CAMTA1: variants seen among roughly 807,000 people sequenced by gnomAD.
CAMTA1 encodes the protein calmodulin binding transcription activator 1, also known as calmodulin-binding transcription activator 1.
In CAMTA1, 27 loss-of-function variants were observed where a neutral mutation model predicts 170.9. That is an observed-to-expected ratio of 0.16 (90% CI 0.12 to 0.22). The LOEUF is 0.22. Among genes scored for constraint, CAMTA1 ranks in the 10% least tolerant of loss-of-function variants. CAMTA1 has a pLI of 1.00. For synonymous variants in CAMTA1, 833 were observed against 891.5 expected (o/e 0.93, Z 1.17); for missense variants, 1,619 against 2,217.2 (o/e 0.73, Z 5.42).
At chr1:7,655,725 AC>A (rs1489610208) in intron 7 of CAMTA1, among the ~76,000 whole-genome samples, 3 of 152,006 alleles carry the variant, frequency 2.0e-5, no homozygotes, top group South Asian at 4.1e-4. Context: ...ATACACATAC[AC>A]CGATACACCC....
At chr1:6,893,805 C>T (rs1242841071) in intron 3 of CAMTA1, among the ~76,000 whole-genome samples, 7 of 152,148 alleles carry the variant, frequency 4.6e-5, no homozygotes, top group African/African-American at 1.7e-4. Context: ...TAATTTGTAT[C>T]TTACTGACCC....
At chr1:7,510,856 G>A (rs914014651) in intron 6 of CAMTA1, among the ~76,000 whole-genome samples, 2 of 144,602 alleles carry the variant, frequency 1.4e-5, no homozygotes, top group Admixed American at 6.9e-5. Context: ...TTGTTTGAGA[G>A]CATTGCTTGG....
chr1:7,718,188 G>GCAGTGGGCGTTCCGTAAACA (rs1407287663), intron 11 of CAMTA1, among the ~76,000 whole-genome samples: 3,027 of 148,796 alleles, frequency 0.02, 169 homozygotes, highest in African/African-American at 0.075. Flanking sequence ...GTCTTAGCCA[G>GCAGTGGGCGTTCCGTAAACA]CAGTGGGCGT....
intron 21 of CAMTA1, among the ~76,000 whole-genome samples, chr1:7,754,574 G>C (rs1033364059): frequency 6.6e-6 from 1 of 152,128 alleles, no homozygotes; most frequent in Non-Finnish European, 1.5e-5. Context: ...TTTGTTTTTA[G>C]AGTTCTCTTT....
intron 5 of CAMTA1, 60 bp from the exon 6 acceptor site, chr1:7,467,770 C>A (rs1338677381): frequency 8.9e-7 from 1 of 1,119,344 alleles, no homozygotes; most frequent in Non-Finnish European, 1.4e-6. Flanking sequence ...GTTGCGCCGT[C>A]TTCCTTCCTT....
At chr1:7,758,519 G>C (rs544981738) in intron 22 of CAMTA1, among the ~76,000 whole-genome samples, 18 of 152,122 alleles carry the variant, frequency 1.2e-4, no homozygotes, top group Non-Finnish European at 5.9e-5. Flanking sequence ...TCTCTCCCTC[G>C]TTCTTCCATC....
chr1:7,020,707 G>C (rs557469885), intron 3 of CAMTA1, among the ~76,000 whole-genome samples: 3 of 152,350 alleles, frequency 2.0e-5, no homozygotes, highest in Admixed American at 6.5e-5. Flanking sequence ...TGTGGGCTTA[G>C]CCTTGAGCTG....
chr1:7,587,016 C>T (rs1311718090), intron 6 of CAMTA1, among the ~76,000 whole-genome samples: 1 of 151,964 alleles, frequency 6.6e-6, no homozygotes, highest in Non-Finnish European at 1.5e-5. Context: ...ACCCCCGCCC[C>T]CATGACCACC....
chr1:6,847,608 G>A (rs1361398261), intron 3 of CAMTA1, among the ~76,000 whole-genome samples: 3 of 150,478 alleles, frequency 2.0e-5, no homozygotes, highest in Non-Finnish European at 4.4e-5. Flanking sequence ...GTGTGATTTC[G>A]GCTGACTGCA....
chr1:6,902,066 C>CAAAAA (rs753157406), intron 3 of CAMTA1, among the ~76,000 whole-genome samples: 15 of 125,156 alleles, frequency 1.2e-4, no homozygotes, highest in African/African-American at 3.9e-4. Context: ...CACACACACA[C>CAAAAA]ACACACAAAA....
Position 7,276,291 on chromosome 1 carries a change from A to ATT in CAMTA1, c.438+26666_438+26667insTT, listed in dbSNP as rs1257658481. Among the ~76,000 whole-genome samples, 73 of 51,282 alleles carry ATT rather than the reference A, an allele frequency of 1.4e-3. 1 individual carries two copies. Among genetic ancestry groups the ATT allele is most frequent in the Middle Eastern group, 0.01 (1 of 100 alleles). 33.6% of individuals were successfully genotyped at this position (51,282 alleles called of 152,430 possible). ...CCTACACCTGATCATATATATATAT[A>ATT]TATATATATATATTTTTTTTTTTTT... is the stretch of plus-strand genomic sequence containing the variant. On this transcript the variant is annotated intron_variant, in intron 5 of 22. Coordinates refer to ENST00000303635, the MANE Select transcript of CAMTA1 (RefSeq NM_015215.4).
intron 6 of CAMTA1, among the ~76,000 whole-genome samples, chr1:7,621,274 G>A (rs1388767179): frequency 6.6e-6 from 1 of 152,226 alleles, no homozygotes; most frequent in Non-Finnish European, 1.5e-5. Flanking sequence ...GACCCCCCAT[G>A]GTGGGTGCTG....
chr1:7,560,577 C>T (rs750774721), intron 6 of CAMTA1, among the ~76,000 whole-genome samples: 14 of 152,244 alleles, frequency 9.2e-5, no homozygotes, highest in Non-Finnish European at 1.8e-4. Context: ...CCAAAGCCAG[C>T]CATTAGGTCC....
At chr1:7,684,184 C>G (rs1467093223) in intron 11 of CAMTA1, among the ~76,000 whole-genome samples, 1 of 152,224 alleles carries the variant, frequency 6.6e-6, no homozygotes, top group African/African-American at 2.4e-5. Flanking sequence ...GCCTTTGCCA[C>G]CCTGTCCTGG....
chr1:7,450,819 T>C (rs1004288254), intron 5 of CAMTA1, among the ~76,000 whole-genome samples: 1 of 152,186 alleles, frequency 6.6e-6, no homozygotes, highest in African/African-American at 2.4e-5. Flanking sequence ...GCAGATAAAA[T>C]GCAGGACCGA....
At chr1:7,222,483 C>T (rs1660967453) in intron 4 of CAMTA1, among the ~76,000 whole-genome samples, 1 of 152,160 alleles carries the variant, frequency 6.6e-6, no homozygotes, top group Admixed American at 6.5e-5. Context: ...AGGAACGTGT[C>T]CTTGCCTCCC....
intron 3 of CAMTA1, among the ~76,000 whole-genome samples, chr1:6,999,737 C>A (rs1419463851): frequency 6.6e-6 from 1 of 152,172 alleles, no homozygotes; most frequent in Non-Finnish European, 1.5e-5. Flanking sequence ...TGAGCCATAG[C>A]TGCCTTGGAG....
chr1:7,004,539 T>G (rs1698700521), intron 3 of CAMTA1, among the ~76,000 whole-genome samples: 1 of 152,132 alleles, frequency 6.6e-6, no homozygotes, highest in Non-Finnish European at 1.5e-5. Context: ...TAATTTCAAG[T>G]CTGTTTGTTG....
rs529232389 is a variant in CAMTA1, at chr1:7,379,953, G to A, written c.439-87877G>A. 7.9e-5 allele frequency among the ~76,000 whole-genome samples: 12 copies of A among 152,264 alleles called. No homozygotes were observed. In the South Asian group the frequency reaches 2.1e-3, roughly 26 times the overall value. On this transcript the variant is annotated intron_variant, in intron 5 of 22. Coordinates refer to ENST00000303635, the MANE Select transcript of CAMTA1 (RefSeq NM_015215.4). ...GCAGAAACAGGACTGCCAAGTGAGCGGTGGAGAAAAAGGGCTGTTCTTAAT... is the reference window on the plus strand; with the variant it reads ...GCAGAAACAGGACTGCCAAGTGAGCAGTGGAGAAAAAGGGCTGTTCTTAAT...
Sources: allele counts gnomAD v4.1 joint callset (sites outside exome capture counted in the v4.1 genomes callset), GRCh38; gene constraint gnomAD v4.1.1; transcripts MANE v1.5; gene names NCBI Gene and HGNC (gene_info 2026-07-23, HGNC 2026-07-21).